The following DEPTOR variants were observed in gnomAD, a reference collection of about 807,000 sequenced individuals.
The protein encoded by DEPTOR is DEP domain-containing mTOR-interacting protein.
In DEPTOR, 41 loss-of-function variants were observed where a neutral mutation model predicts 41.6. The ratio of observed to expected loss-of-function variants is 0.98; its 90% confidence interval spans 0.77 to 1.28. The LOEUF is 1.28. Ranked by LOEUF, DEPTOR falls within the 50% of genes most tolerant of loss-of-function variation. The pLI, the probability that DEPTOR is intolerant of heterozygous loss-of-function variation, is 0.00. For missense variants in DEPTOR, 514 were observed against 527.9 expected, an observed-to-expected ratio of 0.97 and a Z score of 0.26; for synonymous variants, 195 against 192.3, an observed-to-expected ratio of 1.01 and a Z score of -0.12.
intron 1 of DEPTOR, among the ~76,000 whole-genome samples, chr8:119,910,406 G>T (rs1168880400): frequency 6.6e-6 from 1 of 152,128 alleles, no homozygotes; most frequent in East Asian, 1.9e-4. Flanking sequence ...TGTCAGTAGT[G>T]AAATATAAAT....
At chr8:119,895,967 T>C (rs1020314127) in intron 1 of DEPTOR, among the ~76,000 whole-genome samples, 2 of 152,220 alleles carry the variant, frequency 1.3e-5, no homozygotes, top group Non-Finnish European at 2.9e-5. Flanking sequence ...CCTCTTACTC[T>C]TTTTAATTGT....
chr8:119,991,079 T>TTTCTTTCTTTCTTTCTTTCC (rs1812160342), intron 4 of DEPTOR, among the ~76,000 whole-genome samples: 3 of 75,264 alleles, frequency 4.0e-5, no homozygotes, highest in Non-Finnish European at 5.6e-5. Context: ...TCTTTCTTTC[T>TTTCTTTCTTTCTTTCTTTCC]TTCTTTCTTT....
At chr8:119,897,904 C>T (rs1827541326) in intron 1 of DEPTOR, among the ~76,000 whole-genome samples, 1 of 152,134 alleles carries the variant, frequency 6.6e-6, no homozygotes. Flanking sequence ...GTTAGTTGCT[C>T]CTGCTATTAA....
intron 4 of DEPTOR, among the ~76,000 whole-genome samples, chr8:119,989,705 GCTAT>G (rs1410154127): frequency 2.6e-5 from 4 of 152,208 alleles, no homozygotes; most frequent in South Asian, 2.1e-4. Flanking sequence ...CCGTGCACAG[GCTAT>G]CTATCACTCA....
At chr8:120,012,639 C>A (rs1812546790) in intron 8 of DEPTOR, among the ~76,000 whole-genome samples, 1 of 152,032 alleles carries the variant, frequency 6.6e-6, no homozygotes, top group African/African-American at 2.4e-5. Flanking sequence ...CAGGTTCAAG[C>A]AATTCTCCTG....
intron 8 of DEPTOR, among the ~76,000 whole-genome samples, chr8:120,012,271 C>A (rs1386949427): frequency 6.6e-6 from 1 of 152,058 alleles, no homozygotes; most frequent in Non-Finnish European, 1.5e-5. Flanking sequence ...GGTTTTAAGG[C>A]AATTTTGTCA....
chr8:120,004,355 G>A (rs1053192721), intron 6 of DEPTOR, among the ~76,000 whole-genome samples: 18 of 152,248 alleles, frequency 1.2e-4, no homozygotes, highest in Middle Eastern at 3.4e-3. Flanking sequence ...CTGAAGAGTC[G>A]TTGAGTACTG....
At chr8:120,013,901 G>T (rs886267586) in intron 8 of DEPTOR, among the ~76,000 whole-genome samples, 1 of 151,190 alleles carries the variant, frequency 6.6e-6, no homozygotes, top group African/African-American at 2.4e-5. Context: ...GTGCAGTGGC[G>T]GGATCTCAGC....
At chr8:120,032,908 A>C (rs1466373628) in intron 8 of DEPTOR, among the ~76,000 whole-genome samples, 1 of 152,078 alleles carries the variant, frequency 6.6e-6, no homozygotes, top group African/African-American at 2.4e-5. Context: ...TATTTGATTC[A>C]TGTTCTTCCT....
intron 8 of DEPTOR, among the ~76,000 whole-genome samples, chr8:120,028,528 G>C (rs1252078361): frequency 7.0e-6 from 1 of 143,446 alleles, no homozygotes; most frequent in East Asian, 2.1e-4. Context: ...GCACGATCTC[G>C]GCTCACTGCA....
intron 8 of DEPTOR, among the ~76,000 whole-genome samples, chr8:120,048,880 A>G (rs1485996974): frequency 6.6e-6 from 1 of 152,182 alleles, no homozygotes; most frequent in Admixed American, 6.5e-5. Context: ...GTATTCCACC[A>G]AAGGGACCTA....
intron 8 of DEPTOR, among the ~76,000 whole-genome samples, chr8:120,011,783 T>C (rs1400099882): frequency 6.6e-6 from 1 of 152,238 alleles, no homozygotes; most frequent in Non-Finnish European, 1.5e-5. Context: ...CCCTGATCGA[T>C]GTTTTACCTG....
intron 1 of DEPTOR, among the ~76,000 whole-genome samples, chr8:119,888,420 T>C (rs1827402046): frequency 6.6e-6 from 1 of 152,224 alleles, no homozygotes; most frequent in Non-Finnish European, 1.5e-5. Flanking sequence ...GATTGGATTA[T>C]ACATTTTGAA....
intron 5 of DEPTOR, among the ~76,000 whole-genome samples, 186 bp from the exon 6 acceptor site, chr8:120,002,791 A>AAAAGATATATATATATATATATAT: frequency 1.6e-5 from 1 of 60,674 alleles, no homozygotes; most frequent in African/African-American, 7.6e-5. Context: ...AAAAAAAAAA[A>AAAAGATATATATATATATATATAT]ATATATATAT....
chr8:119,932,196 G>C (rs1419475338), intron 3 of DEPTOR, among the ~76,000 whole-genome samples: 1 of 151,628 alleles, frequency 6.6e-6, no homozygotes, highest in Admixed American at 6.6e-5. Flanking sequence ...TGTTGTTCAG[G>C]CTGATATCAA....
intron 4 of DEPTOR, among the ~76,000 whole-genome samples, chr8:119,985,614 G>A (rs1828818635): frequency 6.6e-6 from 1 of 151,904 alleles, no homozygotes. Context: ...TTTTAGTCAC[G>A]AAGTCTTTAC....
intron 1 of DEPTOR, among the ~76,000 whole-genome samples, chr8:119,876,022 T>C (rs1416534152): frequency 6.6e-6 from 1 of 152,232 alleles, no homozygotes; most frequent in African/African-American, 2.4e-5. Flanking sequence ...CTGGGCCATC[T>C]TTTTAAAAGT....
Position 120,001,649 on chromosome 8 carries a change from C to T in DEPTOR, c.729C>T (p.Asp243=). Residue 243 remains aspartate (D), a synonymous_variant, in exon 5 of 9, where the codon GAC becomes GAT. Transcript: ENST00000286234. The stretch of plus-strand genomic sequence containing the variant: ...CCCCCTCCTCCCAGGAAACTCATGA[C>T]AGTCCCTTCTGCCTGAGGAAGCAGA... ...EKSPSSQETH[D]SPFCLRKQSH... is the part of the protein sequence containing the mutation. The T allele has an allele frequency of 1.2e-6, 2 of 1,614,078 alleles. No homozygotes were observed. Among genetic ancestry groups the T allele is most frequent in the Admixed American group, 1.7e-5 (1 of 60,008 alleles).
chr8:119,873,805 G>T lies in DEPTOR; in HGVS notation c.-42G>T, dbSNP rs750653691. On this transcript the variant is annotated 5_prime_UTR_variant, in exon 1 of 9. Transcript: ENST00000286234. The stretch of plus-strand genomic sequence containing the variant: ...GACTGATCCGAGCACCCAAACCCTC[G>T]GCGGACAGCGGAGCCAGTGGTAGCC... The T allele has an allele frequency of 6.2e-7, 1 of 1,605,276 alleles. No individual in the cohort carries two copies. The highest frequency in any genetic ancestry group is 8.5e-7 in the Non-Finnish European group (1 of 1,175,926).
Sources: gnomAD v4.1 joint callset for allele counts (sites outside exome capture counted in the v4.1 genomes callset) on GRCh38, gnomAD v4.1.1 for gene constraint, MANE v1.5 for transcripts, NCBI Gene and HGNC (gene_info 2026-07-23, HGNC 2026-07-21) for gene names.